The following ZXDC variants were observed in gnomAD, a reference collection of about 807,000 sequenced individuals.
The protein encoded by ZXDC is zinc finger protein ZXDC.
ZXDC carries 58 observed loss-of-function variants against 63.6 expected under a neutral mutation model. The ratio of observed to expected loss-of-function variants is 0.91; its 90% CI spans 0.74 to 1.13. The LOEUF is 1.13. Among genes scored for constraint, ZXDC ranks in the 50% most tolerant of loss-of-function variants. ZXDC has a pLI of 0.00. For missense variants in ZXDC, 1,133 were observed against 1,148.9 expected, an observed-to-expected ratio of 0.99 and a Z score of 0.20; for synonymous variants, 561 against 496.1, an observed-to-expected ratio of 1.13 and a Z score of -1.74.
At chr3:126,466,088 G>A (rs1414237597) in intron 5 of ZXDC, 67 bp downstream of exon 5, 11 of 1,527,236 alleles carry the variant, frequency 7.2e-6, no homozygotes, top group Admixed American at 2.0e-5. Context: ...AGGAACAGAC[G>A]GCACTGGCAC....
chr3:126,460,318 A>G, intron 6 of ZXDC: 2 of 511,340 alleles, frequency 3.9e-6, no homozygotes, highest in Non-Finnish European at 5.0e-6. Context: ...TAAGAAAGAC[A>G]GTTTAACACT....
chr3:126,464,854 C>T (rs1934694794), intron 5 of ZXDC, among the ~76,000 whole-genome samples: 1 of 152,154 alleles, frequency 6.6e-6, no homozygotes. Flanking sequence ...ACTACTAAAG[C>T]CAGAAGGGCA....
intron 7 of ZXDC, among the ~76,000 whole-genome samples, chr3:126,444,596 T>C (rs553195025): frequency 2.0e-5 from 3 of 152,060 alleles, no homozygotes; most frequent in Non-Finnish European, 4.4e-5. Flanking sequence ...CAGTGAATAG[T>C]GTATCTCTCC....
intron 4 of ZXDC, among the ~76,000 whole-genome samples, chr3:126,468,325 A>G (rs1255620272): frequency 4.1e-5 from 1 of 24,458 alleles, no homozygotes; most frequent in East Asian, 9.8e-4. Flanking sequence ...TGTTACTACA[A>G]AAAAAGGTAG....
intron 1 of ZXDC, among the ~76,000 whole-genome samples, chr3:126,473,356 A>C (rs1935047836): frequency 6.6e-6 from 1 of 152,154 alleles, no homozygotes; most frequent in Non-Finnish European, 1.5e-5. Context: ...AGGCCTTCAG[A>C]AAACTCAGGT....
Position 126,438,237 on chromosome 3 carries a change from TGTA to T in ZXDC, c.*135_*137del, listed in dbSNP as rs1039473867. 3 of 712,430 alleles carry T rather than the reference TGTA, an allele frequency of 4.2e-6. No homozygotes were observed. Among genetic ancestry groups the T allele is most frequent in the Admixed American group, 4.8e-5 (2 of 42,042 alleles). 44.1% of individuals were successfully genotyped at this position (712,430 alleles called of 1,614,324 possible). ...ACAAAAGGAAAACATTTTTGATAAA[TGTA>T]CCCAAAAGTCTCAAAAGGGCTACGC... On this transcript the variant is annotated 3_prime_UTR_variant, in exon 10 of 10. Transcript: ENST00000389709.
chr3:126,459,178 G>GTT (rs1211039144), intron 7 of ZXDC: 1 of 985,452 alleles, frequency 1.0e-6, no homozygotes, highest in South Asian at 4.7e-5. Flanking sequence ...AAAAATGCAA[G>GTT]TAAGTTGCTA....
intron 7 of ZXDC, chr3:126,453,279 T>G: frequency 1.0e-6 from 1 of 985,502 alleles, no homozygotes. Flanking sequence ...CTTAATGCTT[T>G]TTTTAATTGC....
intron 7 of ZXDC, chr3:126,457,731 T>A: frequency 1.2e-6 from 1 of 854,414 alleles, no homozygotes; most frequent in Non-Finnish European, 1.4e-6. Context: ...ATGACAGATT[T>A]AGAGTACCAC....
At chr3:126,473,485 T>C (rs1262828499) in intron 1 of ZXDC, among the ~76,000 whole-genome samples, 1 of 152,074 alleles carries the variant, frequency 6.6e-6, no homozygotes, top group Non-Finnish European at 1.5e-5. Context: ...CACAAAACCC[T>C]CAAGAGACCT....
At chr3:126,452,207 G>A (rs975855259) in intron 7 of ZXDC, 12 of 985,270 alleles carry the variant, frequency 1.2e-5, no homozygotes, top group Middle Eastern at 5.2e-4. Context: ...ACAGCCTTGC[G>A]TGAAGTCTTA....
At chr3:126,439,154 A>G (rs980657584) in intron 9 of ZXDC, among the ~76,000 whole-genome samples, 11 of 152,254 alleles carry the variant, frequency 7.2e-5, no homozygotes, top group Admixed American at 2.0e-4. Flanking sequence ...AAAAAAACTA[A>G]AACACAATTT....
Position 126,461,986 on chromosome 3 carries a change from G to A in ZXDC, c.1676C>T (p.Ser559Phe). Reference protein sequence around the residue: ...LGGNLPANNSSLGPMEPLVLV... With the variant: ...LGGNLPANNSFLGPMEPLVLV... ...GACCAGGGGTTCCATCGGCCCTAGG[G>A]AGCTATTATTAGCAGGGAGGTTCCC... The change falls in exon 6 of 10, where the codon TCC becomes TTC. Residue 559 changes from serine to phenylalanine, a missense_variant. Coordinates refer to ENST00000389709, the MANE Select transcript of ZXDC (RefSeq NM_025112.5). The A allele has an allele frequency of 6.2e-7, 1 of 1,614,102 alleles. No homozygotes were observed. Among genetic ancestry groups the A allele is most frequent in the African/African-American group, 1.3e-5 (1 of 75,012 alleles).
intron 7 of ZXDC, chr3:126,457,540 G>T (rs1934355673): frequency 1.0e-6 from 1 of 985,228 alleles, no homozygotes; most frequent in Non-Finnish European, 1.2e-6. Context: ...CAGGTACCAG[G>T]TTTCCATTTC....
rs772697343 is a variant in ZXDC, at chr3:126,475,750, C to G, written c.116G>C (p.Arg39Pro). 8.6e-7 allele frequency: 1 copy of G among 1,161,398 alleles called. No individual in the cohort carries two copies. The highest frequency in any genetic ancestry group is 4.1e-5 in the South Asian group (1 of 24,170). 71.9% of individuals were successfully genotyped at this position (1,161,398 alleles called of 1,614,324 possible). A position where few individuals can be genotyped will look rare whatever the true frequency, so the allele number is the denominator to read the frequency against. The change falls in exon 1 of 10, where the codon CGC (arginine) becomes CCC (proline). Residue 39 changes from arginine to proline, a missense_variant. By Grantham distance (103) the Arg-to-Pro change is moderately radical (BLOSUM62 -2). Coordinates refer to ENST00000389709, the MANE Select transcript of ZXDC (RefSeq NM_025112.5). ...APLGASPARR[R>P]LLLVRGPEDG... is the part of the protein sequence containing the mutation. Reference sequence around the variant, plus strand: ...TTCAGGGCCCCGCACCAGTAGCAGGCGGCGGCGCGCGGGGCTCGCGCCGAG... The same window carrying G: ...TTCAGGGCCCCGCACCAGTAGCAGGGGGCGGCGCGCGGGGCTCGCGCCGAG...
chr3:126,440,902 C>G (rs925247967), intron 8 of ZXDC: 2 of 985,580 alleles, frequency 2.0e-6, no homozygotes, highest in African/African-American at 3.5e-5. Context: ...ACTCTGAACC[C>G]ACAAACGTGC....
At chr3:126,445,241 G>A (rs1343526991) in intron 7 of ZXDC, among the ~76,000 whole-genome samples, 1 of 152,080 alleles carries the variant, frequency 6.6e-6, no homozygotes, top group Non-Finnish European at 1.5e-5. Flanking sequence ...CATACATAGG[G>A]CTCATTCCTG....
Position 126,459,670 on chromosome 3 carries a change from C to A in ZXDC, c.2195G>T (p.Gly732Val). The A allele has an allele frequency of 6.2e-7, 1 of 1,614,234 alleles. No homozygotes were observed. The highest frequency in any genetic ancestry group is 8.5e-7 in the Non-Finnish European group (1 of 1,180,042). ...IQLAKEKKQR[G>V]AGSNAGASQS... ...GGCCTCACCTGCATTGCTCCCCGCTCCTCTCTGCTTTTTTTCCTTGGCTAG... is the reference window on the plus strand; with the variant it reads ...GGCCTCACCTGCATTGCTCCCCGCTACTCTCTGCTTTTTTTCCTTGGCTAG... Residue 732 changes from glycine to valine, a missense_variant, in exon 7 of 10, where the codon GGA (glycine) becomes GTA (valine). Physicochemically the swap from Gly to Val is moderately radical, Grantham distance 109 (BLOSUM62 -3). Coordinates refer to ENST00000389709, the MANE Select transcript of ZXDC (RefSeq NM_025112.5).
In ZXDC at chr3:126,475,535, C is replaced by T. The variant is rs750787635; in HGVS notation, c.331G>A (p.Gly111Ser). 4 of 1,311,616 alleles carry T rather than the reference C, an allele frequency of 3.0e-6. No individual in the cohort carries two copies. Among genetic ancestry groups the T allele is most frequent in the Non-Finnish European group, 3.9e-6 (4 of 1,032,338 alleles). The allele number at this position is 1,311,616 out of a possible 1,614,324, so 81.2% of individuals were successfully genotyped here. A position where few individuals can be genotyped will look rare whatever the true frequency, so the allele number is the denominator to read the frequency against. Residue 111 changes from glycine to serine, a missense_variant, in exon 1 of 10, where the codon GGC becomes AGC. By Grantham distance (56) the Gly-to-Ser change is moderately conservative (BLOSUM62 0). Coordinates refer to ENST00000389709, the MANE Select transcript of ZXDC (RefSeq NM_025112.5). Reference sequence around the variant, plus strand: ...GGGGGGGCGGCCGGGCCGCTGGGGCCCTGCTCGGGGCGGCTCGCCAGGTTG... The same window carrying T: ...GGGGGGGCGGCCGGGCCGCTGGGGCTCTGCTCGGGGCGGCTCGCCAGGTTG... ...RVNLASRPEQ[G>S]PSGPAAPPGP...
Sources: allele counts gnomAD v4.1 joint callset (sites outside exome capture counted in the v4.1 genomes callset), GRCh38; gene constraint gnomAD v4.1.1; transcripts MANE v1.5; gene names NCBI Gene and HGNC (gene_info 2026-07-23, HGNC 2026-07-21).